Variants in STXBP5L observed in about 807,000 individuals in gnomAD.
STXBP5L encodes the protein syntaxin binding protein 5L.
In STXBP5L, 65 loss-of-function variants were observed where a neutral mutation model predicts 144.5. That is an observed-to-expected ratio of 0.45 (90% CI 0.37 to 0.55). The LOEUF (loss-of-function observed/expected upper bound fraction) is 0.55. Among genes scored for constraint, STXBP5L ranks in the 20% least tolerant of loss-of-function variants. The pLI is 0.00. For synonymous variants in STXBP5L, 505 were observed against 469.6 expected (o/e 1.08, Z -0.97); for missense variants, 1,298 against 1,405.5 (o/e 0.92, Z 1.22).
chr3:120,961,759 T>C lies in STXBP5L; in HGVS notation c.287+6722T>C, dbSNP rs562253804. Among the ~76,000 whole-genome samples, 486 of 152,128 alleles carry C rather than the reference T, an allele frequency of 3.2e-3. 2 individuals are homozygous for C. The highest frequency in any genetic ancestry group is 0.011 in the African/African-American group (457 of 41,530). The stretch of plus-strand genomic sequence containing the variant: ...ACGTGTGCATGTGTCTTTATAGTAG[T>C]ATGATTGATAATCCTTTGGGTCTAT... On this transcript the variant is annotated intron_variant, in intron 3 of 26. Transcript: ENST00000471454.
At chr3:121,276,349 C>A (rs528526193) in intron 18 of STXBP5L, among the ~76,000 whole-genome samples, 45 of 151,930 alleles carry the variant, frequency 3.0e-4, no homozygotes, top group Non-Finnish European at 5.2e-4. Flanking sequence ...ATGTTATAAA[C>A]CGCATAATAC....
At chr3:120,935,779 C>T (rs1035370565) in intron 2 of STXBP5L, among the ~76,000 whole-genome samples, 2 of 147,658 alleles carry the variant, frequency 1.4e-5, no homozygotes, top group Admixed American at 1.4e-4. Flanking sequence ...AGTTTTTCTG[C>T]GTTTTTTTTT....
chr3:121,421,523 C>T lies in STXBP5L; in HGVS notation c.*2426C>T, dbSNP rs1207501957. 1 of 152,036 alleles carries T rather than the reference C, an allele frequency of 6.6e-6. No individual in the cohort carries two copies. The highest frequency in any genetic ancestry group is 2.4e-5 in the African/African-American group (1 of 41,410). The allele number at this position is 152,036 out of a possible 1,614,324, so 9.4% of individuals were successfully genotyped here. ...TTTCTCCCAGTTCACAGCCACTATT[C>T]TACATCATACAAAGAGGTAGATTGT... On this transcript the variant is annotated 3_prime_UTR_variant, in exon 27 of 27. Transcript: ENST00000471454.
chr3:121,253,267 A>G lies in STXBP5L; in HGVS notation c.1442-1628A>G, dbSNP rs931800557. ...ACAAAAACATTGCAAAAAAAAAAAA[A>G]GTACTATGAAATGGTTTATACCTCT... is the stretch of plus-strand genomic sequence containing the variant. On this transcript the variant is annotated intron_variant, in intron 15 of 26. Transcript: ENST00000471454. Among the ~76,000 whole-genome samples the G allele has an allele frequency of 3.3e-5, 5 of 151,590 alleles. No individual in the cohort carries two copies. In the East Asian group the frequency reaches 9.6e-4, roughly 29 times the overall value.
At chr3:121,403,582 TA>T (rs1374175076) in intron 22 of STXBP5L, among the ~76,000 whole-genome samples, 1 of 152,146 alleles carries the variant, frequency 6.6e-6, no homozygotes, top group African/African-American at 2.4e-5. Flanking sequence ...ATGGGCAATA[TA>T]GTAGTGAATA....
chr3:121,394,456 G>T (rs578150740), intron 22 of STXBP5L, among the ~76,000 whole-genome samples: 1 of 151,820 alleles, frequency 6.6e-6, no homozygotes, highest in Non-Finnish European at 1.5e-5. Flanking sequence ...CATAGGAGTG[G>T]TGAAAGTATA....
chr3:121,020,455 T>C (rs1945466252), intron 3 of STXBP5L, among the ~76,000 whole-genome samples: 1 of 152,146 alleles, frequency 6.6e-6, no homozygotes, highest in Non-Finnish European at 1.5e-5. Context: ...CCTAGACACA[T>C]AGTTATCGGT....
intron 19 of STXBP5L, among the ~76,000 whole-genome samples, chr3:121,284,757 G>C (rs1038615365): frequency 5.3e-5 from 8 of 152,082 alleles, no homozygotes; most frequent in Admixed American, 2.0e-4. Context: ...TCTAACTAGA[G>C]ACCTAACGTT....
chr3:121,362,319 G>A (rs534766893), intron 20 of STXBP5L, among the ~76,000 whole-genome samples: 1 of 152,246 alleles, frequency 6.6e-6, no homozygotes, highest in East Asian at 1.9e-4. Context: ...AGGTCCTGGG[G>A]CTCTATGATC....
chr3:121,094,960 C>T (rs1018126951), intron 5 of STXBP5L, among the ~76,000 whole-genome samples: 2 of 152,010 alleles, frequency 1.3e-5, no homozygotes, highest in Admixed American at 1.3e-4. Flanking sequence ...TCTTTTAGGG[C>T]AGGCCTGGTG....
At chr3:121,055,388 T>C (rs1948382648) in intron 5 of STXBP5L, among the ~76,000 whole-genome samples, 1 of 152,182 alleles carries the variant, frequency 6.6e-6, no homozygotes, top group Non-Finnish European at 1.5e-5. Context: ...AGTTTATAAA[T>C]TTATACTATA....
chr3:121,113,816 G>C (rs2044112785), intron 5 of STXBP5L, among the ~76,000 whole-genome samples: 1 of 151,536 alleles, frequency 6.6e-6, no homozygotes, highest in African/African-American at 2.4e-5. Context: ...GGGACTATGG[G>C]CACCCACCAC....
In STXBP5L at chr3:120,985,510, A is replaced by G. The variant is rs145786106; in HGVS notation, c.287+30473A>G. On this transcript the variant is annotated intron_variant, in intron 3 of 26. Transcript: ENST00000471454. ...CTATAGTCACCATGCTGTGTAATAG[A>G]TCTCTAAAACTAATTCTCCTAAATG... Among the ~76,000 whole-genome samples the G allele has an allele frequency of 7.7e-3, 1,168 of 152,176 alleles. 19 individuals are homozygous for G. Among genetic ancestry groups the G allele is most frequent in the African/African-American group, 0.026 (1,064 of 41,566 alleles).
At chr3:121,062,358 T>A (rs536057487) in intron 5 of STXBP5L, among the ~76,000 whole-genome samples, 1 of 152,324 alleles carries the variant, frequency 6.6e-6, no homozygotes, top group African/African-American at 2.4e-5. Context: ...TGCAGAGAGA[T>A]CTGCTGTTAG....
At chr3:120,909,544 C>T (rs1708716762) in intron 1 of STXBP5L, 27 bp from the exon 2 acceptor site, 2 of 1,597,824 alleles carry the variant, frequency 1.3e-6, no homozygotes, top group African/African-American at 1.3e-5. Flanking sequence ...ACCTCTTTCC[C>T]TTTTTTTCCT....
Position 121,172,092 on chromosome 3 carries a change from G to A in STXBP5L, c.877+14465G>A, listed in dbSNP as rs991735044. The stretch of plus-strand genomic sequence containing the variant: ...TCTTTGACAAACGTGACAAAAACAA[G>A]CAATGGGGAAAAAATTGTTTTGGGA... On this transcript the variant is annotated intron_variant, in intron 9 of 26. Transcript: ENST00000471454. Among the ~76,000 whole-genome samples the A allele has an allele frequency of 5.3e-5, 8 of 151,592 alleles. No individual in the cohort carries two copies. The South Asian group carries it at 1.5e-3, about 28-fold the overall frequency.
chr3:121,398,832 C>T (rs541442898), intron 22 of STXBP5L, among the ~76,000 whole-genome samples: 3 of 152,256 alleles, frequency 2.0e-5, no homozygotes, highest in African/African-American at 7.2e-5. Flanking sequence ...TAATATTTCC[C>T]TGCTGATCTG....
At chr3:121,239,988 A>G (rs2049614946) in intron 13 of STXBP5L, among the ~76,000 whole-genome samples, 1 of 152,140 alleles carries the variant, frequency 6.6e-6, no homozygotes, top group South Asian at 2.1e-4. Flanking sequence ...AGAATTTTTT[A>G]TTATAGTTTA....
intron 3 of STXBP5L, among the ~76,000 whole-genome samples, chr3:120,979,905 G>A (rs1284425683): frequency 2.6e-5 from 4 of 152,058 alleles, no homozygotes; most frequent in Non-Finnish European, 5.9e-5. Context: ...TATCCTGTAT[G>A]TTTTAGTATG....
Sources: gnomAD v4.1 joint callset for allele counts (sites outside exome capture counted in the v4.1 genomes callset) on GRCh38, gnomAD v4.1.1 for gene constraint, MANE v1.5 for transcripts, NCBI Gene and HGNC (gene_info 2026-07-23, HGNC 2026-07-21) for gene names.